The following XYLT1 variants were observed in gnomAD, a reference collection of about 807,000 sequenced individuals.
XYLT1 encodes beta-D-xylosyltransferase 1.
Under a neutral mutation model 91.3 loss-of-function variants are expected in XYLT1, and 36 were observed. The observed-to-expected ratio is 0.39, with a 90% CI of 0.30 to 0.52. XYLT1 has a LOEUF of 0.52. Among genes scored for constraint, XYLT1 ranks in the 20% least tolerant of loss-of-function variants. The pLI is 0.68. For missense variants in XYLT1, 1,242 were observed against 1,284.5 expected (o/e 0.97, Z 0.51); for synonymous variants, 588 against 532.0 (o/e 1.11, Z -1.45).
intron 6 of XYLT1, among the ~76,000 whole-genome samples, chr16:17,146,324 G>C (rs1382931358): frequency 6.6e-6 from 1 of 152,200 alleles, no homozygotes; most frequent in East Asian, 1.9e-4. Context: ...GCAGGGAACA[G>C]ACTTAATTCG....
rs201818754 is a variant in XYLT1, at chr16:17,138,534, G to A, written c.1588-3C>T. On this transcript the variant is annotated splice_region_variant and splice_polypyrimidine_tract_variant and intron_variant, in intron 7 of 11. Transcript: ENST00000261381. ...TCCAGGACCGTATGGAAGAAGGACT[G>A]CAGGGGAGAGAGGGACCCAGCCTGA... 1.9e-3 allele frequency: 3,117 copies of A among 1,612,642 alleles called. 9 individuals are homozygous for A. The highest frequency in any genetic ancestry group is 9.5e-3 in the Middle Eastern group (57 of 6,018).
chr16:17,159,287 T>C (rs2031491732), intron 5 of XYLT1, among the ~76,000 whole-genome samples: 1 of 152,122 alleles, frequency 6.6e-6, no homozygotes, highest in Non-Finnish European at 1.5e-5. Context: ...GCCTGGGAAA[T>C]TTCTCCCAGT....
intron 1 of XYLT1, among the ~76,000 whole-genome samples, chr16:17,364,190 C>T (rs2035418765): frequency 6.6e-6 from 1 of 152,188 alleles, no homozygotes; most frequent in Non-Finnish European, 1.5e-5. Flanking sequence ...AAGTCCTTAG[C>T]TTCTGTGAGC....
intron 1 of XYLT1, among the ~76,000 whole-genome samples, chr16:17,402,176 C>T (rs539205472): frequency 2.6e-4 from 40 of 151,128 alleles, no homozygotes; most frequent in Non-Finnish European, 4.3e-4. Flanking sequence ...AAAAGTTAGC[C>T]AGGCATGGTG....
chr16:17,135,923 A>C (rs1310845858), intron 8 of XYLT1, among the ~76,000 whole-genome samples: 2 of 152,242 alleles, frequency 1.3e-5, no homozygotes, highest in African/African-American at 2.4e-5. Context: ...AGAAGCAGGC[A>C]GTGGGCTGAC....
At chr16:17,457,261 C>T (rs2036756921) in intron 1 of XYLT1, among the ~76,000 whole-genome samples, 1 of 152,222 alleles carries the variant, frequency 6.6e-6, no homozygotes, top group South Asian at 2.1e-4. Context: ...CTGGAGCCCA[C>T]ACCTGACTCA....
chr16:17,421,978 C>T (rs191014199), intron 1 of XYLT1, among the ~76,000 whole-genome samples: 48 of 152,048 alleles, frequency 3.2e-4, no homozygotes, highest in Admixed American at 1.3e-3. Flanking sequence ...GTTAGGTCTA[C>T]GTGTCTGGCT....
At chr16:17,316,407 A>T (rs372353416) in intron 2 of XYLT1, among the ~76,000 whole-genome samples, 128 of 151,922 alleles carry the variant, frequency 8.4e-4, no homozygotes, top group African/African-American at 2.9e-3. Context: ...TTATTTATTT[A>T]TTTATTTTTG....
intron 5 of XYLT1, among the ~76,000 whole-genome samples, chr16:17,188,711 C>T (rs2032243928): frequency 6.6e-6 from 1 of 152,162 alleles, no homozygotes; most frequent in African/African-American, 2.4e-5. Flanking sequence ...TGTCTCCTTC[C>T]TCTATTAATA....
intron 2 of XYLT1, among the ~76,000 whole-genome samples, chr16:17,341,121 A>C (rs1317385460): frequency 6.6e-6 from 1 of 152,220 alleles, no homozygotes; most frequent in Non-Finnish European, 1.5e-5. Context: ...CCTTTGAGCC[A>C]GTGATGTTAA....
intron 5 of XYLT1, among the ~76,000 whole-genome samples, chr16:17,163,998 A>ACTG (rs1238145101): frequency 7.8e-6 from 1 of 127,834 alleles, no homozygotes; most frequent in East Asian, 2.8e-4. Context: ...AGATCGCGCC[A>ACTG]CTGTACTCCC....
chr16:17,350,997 C>T (rs1345573234), intron 2 of XYLT1, among the ~76,000 whole-genome samples: 1 of 152,206 alleles, frequency 6.6e-6, no homozygotes. Flanking sequence ...CAAACCCCAG[C>T]CAAGTAGCTG....
At chr16:17,254,549 C>T (rs1016123336) in intron 3 of XYLT1, among the ~76,000 whole-genome samples, 2 of 152,094 alleles carry the variant, frequency 1.3e-5, no homozygotes, top group African/African-American at 2.4e-5. Flanking sequence ...CATGCGCCAC[C>T]ACACCCAGCT....
intron 7 of XYLT1, among the ~76,000 whole-genome samples, chr16:17,139,289 G>C (rs139980713): frequency 6.6e-6 from 1 of 151,582 alleles, no homozygotes; most frequent in East Asian, 1.9e-4. Flanking sequence ...GTGTCTGCCC[G>C]TTACAAGTTA....
intron 1 of XYLT1, among the ~76,000 whole-genome samples, chr16:17,420,225 T>G (rs1206058265): frequency 6.6e-6 from 1 of 152,190 alleles, no homozygotes; most frequent in Non-Finnish European, 1.5e-5. Flanking sequence ...ATGCTAGAGT[T>G]ATACACATAA....
Position 17,103,090 on chromosome 16 carries a change from T to C in XYLT1, c.*5605A>G, listed in dbSNP as rs1423937347. ...AAGGGTAAAGAATAGAGTCTGAAGG[T>C]AGGGAAAGGGTGATTCCTTTGAGAA... On this transcript the variant is annotated 3_prime_UTR_variant, in exon 12 of 12. Coordinates refer to ENST00000261381, the MANE Select transcript of XYLT1 (RefSeq NM_022166.4). The C allele has an allele frequency of 6.6e-6, 1 of 152,610 alleles. No homozygotes were observed. The highest frequency in any genetic ancestry group is 2.4e-5 in the African/African-American group (1 of 41,440). The allele number at this position is 152,610 out of a possible 1,614,324, so 9.5% of individuals were successfully genotyped here.
chr16:17,322,386 C>T (rs148352687), intron 2 of XYLT1, among the ~76,000 whole-genome samples: 16 of 152,270 alleles, frequency 1.1e-4, no homozygotes, highest in African/African-American at 3.9e-4. Flanking sequence ...TAATCATCAT[C>T]GTCATCATCA....
At chr16:17,185,999 A>T (rs2032174495) in intron 5 of XYLT1, among the ~76,000 whole-genome samples, 1 of 152,196 alleles carries the variant, frequency 6.6e-6, no homozygotes, top group Non-Finnish European at 1.5e-5. Context: ...CTCTATCTCA[A>T]ATATCTCAAA....
intron 1 of XYLT1, among the ~76,000 whole-genome samples, chr16:17,411,894 A>G (rs1342408915): frequency 1.3e-5 from 2 of 152,080 alleles, no homozygotes; most frequent in African/African-American, 2.4e-5. Flanking sequence ...CTAACTCTCA[A>G]ATTCTACTGC....
Sources: gnomAD v4.1 joint callset for allele counts (sites outside exome capture counted in the v4.1 genomes callset) on GRCh38, gnomAD v4.1.1 for gene constraint, MANE v1.5 for transcripts, NCBI Gene and HGNC (gene_info 2026-07-23, HGNC 2026-07-21) for gene names.